FTO: variants seen among roughly 807,000 people sequenced by gnomAD.
The protein encoded by FTO is alpha-ketoglutarate-dependent dioxygenase FTO.
FTO carries 47 observed loss-of-function variants against 63.9 expected under a neutral mutation model. The ratio of observed to expected loss-of-function variants is 0.74; its 90% CI spans 0.58 to 0.94. The LOEUF is 0.94. Among genes scored for constraint, FTO ranks in the 40% least tolerant of loss-of-function variants. The pLI is 0.00. For missense variants in FTO, 562 were observed against 618.1 expected (o/e 0.91, Z 0.96); for synonymous variants, 207 against 224.4 (o/e 0.92, Z 0.69).
intron 8 of FTO, among the ~76,000 whole-genome samples, chr16:53,956,409 C>T (rs780107813): frequency 9.9e-5 from 15 of 152,110 alleles, no homozygotes; most frequent in Admixed American, 3.3e-4. Context: ...TTCTCCAAAT[C>T]GAGCAGGTAG....
intron 3 of FTO, among the ~76,000 whole-genome samples, chr16:53,836,334 C>T (rs141889305): frequency 4.6e-5 from 7 of 152,324 alleles, no homozygotes; most frequent in African/African-American, 1.4e-4. Flanking sequence ...CTTCCAGTGT[C>T]TGCTTCCCCA....
At chr16:53,913,964 G>A (rs1567431112) in intron 7 of FTO, among the ~76,000 whole-genome samples, 1 of 150,026 alleles carries the variant, frequency 6.7e-6, no homozygotes, top group Non-Finnish European at 1.5e-5. Flanking sequence ...GGGCGGCAGA[G>A]TGAGGCTCTG....
intron 8 of FTO, among the ~76,000 whole-genome samples, chr16:53,951,170 G>A (rs1047420696): frequency 7.2e-5 from 11 of 152,158 alleles, no homozygotes; most frequent in African/African-American, 2.7e-4. Context: ...TGCAGAGATT[G>A]GATAAGACCT....
At chr16:53,940,116 G>A (rs564186592) in intron 8 of FTO, among the ~76,000 whole-genome samples, 11 of 151,898 alleles carry the variant, frequency 7.2e-5, no homozygotes, top group South Asian at 4.2e-4. Flanking sequence ...CACCAAGAAC[G>A]CACAAAGTTT....
At chr16:53,744,111 A>G (rs1266823918) in intron 1 of FTO, among the ~76,000 whole-genome samples, 1 of 152,182 alleles carries the variant, frequency 6.6e-6, no homozygotes, top group Admixed American at 6.5e-5. Flanking sequence ...CAGAATTACA[A>G]ATTGTATACA....
At chr16:54,088,044 G>A (rs2086287755) in intron 8 of FTO, among the ~76,000 whole-genome samples, 1 of 152,094 alleles carries the variant, frequency 6.6e-6, no homozygotes, top group African/African-American at 2.4e-5. Context: ...TACAAGTAAT[G>A]CACAATACAT....
chr16:53,706,966 G>A (rs552971370), intron 1 of FTO, among the ~76,000 whole-genome samples: 11 of 152,158 alleles, frequency 7.2e-5, no homozygotes, highest in South Asian at 2.1e-4. Flanking sequence ...TATTTCTGTC[G>A]GGTAATGCCC....
At chr16:54,014,515 T>C (rs1243471723) in intron 8 of FTO, among the ~76,000 whole-genome samples, 1 of 152,084 alleles carries the variant, frequency 6.6e-6, no homozygotes, top group Non-Finnish European at 1.5e-5. Context: ...GTCCTGTTTC[T>C]TGTACAGCTT....
intron 7 of FTO, among the ~76,000 whole-genome samples, chr16:53,910,448 C>G (rs1295341478): frequency 6.6e-6 from 1 of 152,080 alleles, no homozygotes; most frequent in Non-Finnish European, 1.5e-5. Flanking sequence ...GGCATGGGGA[C>G]CTGCTGCAAA....
intron 4 of FTO, among the ~76,000 whole-genome samples, chr16:53,873,030 T>C (rs1250032674): frequency 6.6e-6 from 1 of 152,116 alleles, no homozygotes; most frequent in Non-Finnish European, 1.5e-5. Context: ...CATTCTTGGG[T>C]TGTGAATCCC....
At chr16:53,890,537 A>G (rs377352862) in intron 7 of FTO, among the ~76,000 whole-genome samples, 1 of 152,316 alleles carries the variant, frequency 6.6e-6, no homozygotes, top group African/African-American at 2.4e-5. Flanking sequence ...TCAGAATCCA[A>G]AAGTCCTTGC....
chr16:53,888,902 G>A lies in FTO; in HGVS notation c.1190G>A (p.Cys397Tyr). The change falls in exon 7 of 9, where the codon TGT becomes TAT. Residue 397 changes from cysteine (C) to tyrosine (Y), a missense_variant. By Grantham distance (194) the Cys-to-Tyr change is radical. Coordinates refer to ENST00000471389, the MANE Select transcript of FTO (RefSeq NM_001080432.3). Reference sequence around the variant, plus strand: ...TACAGAAAGTGCACTGACTGGTGGTGTCAACCCATGGCTCAACTGGAAGCA... The same window carrying A: ...TACAGAAAGTGCACTGACTGGTGGTATCAACCCATGGCTCAACTGGAAGCA... Reference protein sequence around the residue: ...NRYRKCTDWWCQPMAQLEALW... With the variant: ...NRYRKCTDWWYQPMAQLEALW... The A allele has an allele frequency of 6.2e-7, 1 of 1,614,106 alleles. No homozygotes were observed. Among genetic ancestry groups the A allele is most frequent in the Non-Finnish European group, 8.5e-7 (1 of 1,179,940 alleles).
intron 7 of FTO, among the ~76,000 whole-genome samples, chr16:53,933,654 C>T (rs1275773981): frequency 6.6e-6 from 1 of 151,856 alleles, no homozygotes; most frequent in African/African-American, 2.4e-5. Flanking sequence ...GTGAAGTGTA[C>T]GTGAAAATCA....
chr16:53,923,409 G>A (rs1192840765), intron 7 of FTO, among the ~76,000 whole-genome samples: 5 of 152,200 alleles, frequency 3.3e-5, no homozygotes, highest in Admixed American at 2.0e-4. Context: ...GGGGCCAAAC[G>A]ATCACATACA....
intron 8 of FTO, among the ~76,000 whole-genome samples, chr16:54,101,729 G>T (rs2086646904): frequency 1.3e-5 from 2 of 152,120 alleles, no homozygotes; most frequent in African/African-American, 4.8e-5. Context: ...AGCTCTTTCG[G>T]GAATTGCTAT....
At chr16:53,983,259 T>A (rs2083588821) in intron 8 of FTO, among the ~76,000 whole-genome samples, 1 of 152,154 alleles carries the variant, frequency 6.6e-6, no homozygotes, top group South Asian at 2.1e-4. Flanking sequence ...TTTGGAGGAA[T>A]AAATAAGCAT....
chr16:53,725,660 G>A (rs2076135762), intron 1 of FTO, among the ~76,000 whole-genome samples: 1 of 152,154 alleles, frequency 6.6e-6, no homozygotes, highest in African/African-American at 2.4e-5. Context: ...GTTCATATAA[G>A]CTTTGATAGT....
At chr16:53,865,336 G>A (rs907708199) in intron 4 of FTO, among the ~76,000 whole-genome samples, 1 of 152,132 alleles carries the variant, frequency 6.6e-6, no homozygotes, top group Non-Finnish European at 1.5e-5. Flanking sequence ...CGGGAAGAGA[G>A]AATGGCCACT....
At chr16:53,810,673 C>T (rs2078496625) in intron 2 of FTO, among the ~76,000 whole-genome samples, 1 of 152,206 alleles carries the variant, frequency 6.6e-6, no homozygotes, top group Non-Finnish European at 1.5e-5. Flanking sequence ...TTCCGTGTCT[C>T]TGTCTCTGAA....
Sources: gnomAD v4.1 joint callset for allele counts (sites outside exome capture counted in the v4.1 genomes callset) on GRCh38, gnomAD v4.1.1 for gene constraint, MANE v1.5 for transcripts, NCBI Gene and HGNC (gene_info 2026-07-23, HGNC 2026-07-21) for gene names.